Variants in CRB1 observed in about 807,000 individuals in gnomAD.
The protein encoded by CRB1 is crumbs cell polarity complex component 1.
In CRB1, 83 loss-of-function variants were observed where a neutral mutation model predicts 120.0. The ratio of observed to expected loss-of-function variants is 0.69; its 90% confidence interval spans 0.58 to 0.83. The LOEUF is 0.83. Among genes scored for constraint, CRB1 ranks in the 40% least tolerant of loss-of-function variants. The probability of loss-of-function intolerance (pLI) is 0.00; values close to 1 mark genes in which losing one functional copy is unlikely to be tolerated. For synonymous variants in CRB1, 625 were observed against 612.5 expected (o/e 1.02, Z -0.30); for missense variants, 1,699 against 1,687.6 (o/e 1.01, Z -0.12).
At chr1:197,268,842 A>G (rs1239266117) in intron 1 of CRB1, among the ~76,000 whole-genome samples, 1 of 152,204 alleles carries the variant, frequency 6.6e-6, no homozygotes, top group Non-Finnish European at 1.5e-5. Flanking sequence ...AAAGGAAGTT[A>G]TTCATAACCT....
rs762223255 is a variant in CRB1, at chr1:197,421,399, T to C, written c.1571T>C (p.Leu524Pro). 1 of 1,614,216 alleles carries C rather than the reference T, an allele frequency of 6.2e-7. No homozygotes were observed. Among genetic ancestry groups the C allele is most frequent in the Non-Finnish European group, 8.5e-7 (1 of 1,180,042 alleles). ...ACTGTTCAGCCAATGGCTCTTCTAC[T>C]TTTCCGAAGCAACAGGGATGTGTTT... ...FQTVQPMALL[L>P]FRSNRDVFVK... Residue 524 changes from leucine to proline, a missense_variant, in exon 6 of 12, where the codon CTT becomes CCT. Coordinates refer to ENST00000367400, the MANE Select transcript of CRB1 (RefSeq NM_201253.3).
intron 5 of CRB1, among the ~76,000 whole-genome samples, chr1:197,406,896 C>T (rs1318074452): frequency 6.6e-6 from 1 of 152,094 alleles, no homozygotes; most frequent in Non-Finnish European, 1.5e-5. Flanking sequence ...GTAGGTGGTG[C>T]AAAGGTGCTT....
In CRB1 at chr1:197,363,096, C is replaced by G. The variant is rs7537027; in HGVS notation, c.1171+6083C>G. ...ACAGCCTATTGGTTTCAGTATTTTA[C>G]CACTTCAAGTGAAGTATAGGAATTT... On this transcript the variant is annotated intron_variant, in intron 5 of 11. Transcript: ENST00000367400. 4.5e-3 allele frequency among the ~76,000 whole-genome samples: 668 copies of G among 149,948 alleles called. 1 individual carries two copies. The highest frequency in any genetic ancestry group is 0.015 in the African/African-American group (633 of 41,034).
intron 11 of CRB1, among the ~76,000 whole-genome samples, chr1:197,470,346 C>T (rs548130505): frequency 2.0e-4 from 30 of 152,226 alleles, no homozygotes; most frequent in African/African-American, 7.2e-4. Flanking sequence ...GGGAAGGTCT[C>T]CCCAAGAAGA....
chr1:197,379,354 T>C (rs1370269488), intron 5 of CRB1, among the ~76,000 whole-genome samples: 3 of 151,950 alleles, frequency 2.0e-5, no homozygotes, highest in African/African-American at 4.8e-5. Flanking sequence ...GGCTGGAATA[T>C]AGTGCCACGA....
rs564914999 is a variant in CRB1, at chr1:197,373,494, T to A, written c.1171+16481T>A. 7.9e-5 allele frequency among the ~76,000 whole-genome samples: 12 copies of A among 152,300 alleles called. No homozygotes were observed. The South Asian group carries it at 2.3e-3, about 29-fold the overall frequency. On this transcript the variant is annotated intron_variant, in intron 5 of 11. Transcript: ENST00000367400. The stretch of plus-strand genomic sequence containing the variant: ...TTCAGGTTCATAAATGGTCAAGGCA[T>A]AATCATGAATTTTCAAAATAAGTTT...
the CRB1 span, among the ~76,000 whole-genome samples, chr1:197,257,656 T>C: frequency 1.4e-4 from 21 of 152,346 alleles, no homozygotes; most frequent in African/African-American, 5.0e-4. Context: ...ACTGTCTGAA[T>C]TCAACCCCAG....
chr1:197,308,283 G>T (rs1657292139), intron 1 of CRB1, among the ~76,000 whole-genome samples: 1 of 152,150 alleles, frequency 6.6e-6, no homozygotes, highest in South Asian at 2.1e-4. Flanking sequence ...TGGACTACTT[G>T]GAGGGGGGCA....
intron 1 of CRB1, among the ~76,000 whole-genome samples, chr1:197,315,931 G>A (rs563331217): frequency 6.6e-6 from 1 of 152,298 alleles, no homozygotes; most frequent in South Asian, 2.1e-4. Context: ...AATCTTAGAG[G>A]TGAACTGAGG....
At chr1:197,284,697 A>G (rs1655723041) in intron 1 of CRB1, among the ~76,000 whole-genome samples, 2 of 151,926 alleles carry the variant, frequency 1.3e-5, no homozygotes, top group Non-Finnish European at 2.9e-5. Flanking sequence ...TTTTCGGTAT[A>G]TAAAATGCTC....
chr1:197,206,444 AGGT>A, the CRB1 span, among the ~76,000 whole-genome samples: 1 of 152,074 alleles, frequency 6.6e-6, no homozygotes, highest in Non-Finnish European at 1.5e-5. Flanking sequence ...AGGTTTTGAT[AGGT>A]TGTGTCACTG....
At chr1:197,235,096 G>T in the CRB1 span, among the ~76,000 whole-genome samples, 4 of 152,300 alleles carry the variant, frequency 2.6e-5, no homozygotes, top group South Asian at 8.3e-4. Flanking sequence ...GAAGTATATG[G>T]CACTATGTCC....
the CRB1 span, among the ~76,000 whole-genome samples, chr1:197,209,697 G>T: frequency 6.6e-6 from 1 of 152,102 alleles, no homozygotes; most frequent in Non-Finnish European, 1.5e-5. Context: ...CCAAAAACCC[G>T]TGTGAGACAA....
chr1:197,348,970 A>G (rs1202445420), intron 4 of CRB1, among the ~76,000 whole-genome samples: 1 of 152,230 alleles, frequency 6.6e-6, no homozygotes, highest in Non-Finnish European at 1.5e-5. Flanking sequence ...TAAAATCTAC[A>G]GTAGTATACA....
At chr1:197,215,761 C>G in the CRB1 span, among the ~76,000 whole-genome samples, 6 of 152,176 alleles carry the variant, frequency 3.9e-5, no homozygotes, top group African/African-American at 1.4e-4. Flanking sequence ...TTTCCTGAGG[C>G]CTTCCCAGCC....
At chr1:197,258,204 A>G in the CRB1 span, among the ~76,000 whole-genome samples, 1 of 152,082 alleles carries the variant, frequency 6.6e-6, no homozygotes, top group Middle Eastern at 3.2e-3. Flanking sequence ...AATGGATCCC[A>G]TTTTTCTCAC....
the CRB1 span, among the ~76,000 whole-genome samples, chr1:197,237,263 T>G: frequency 0.022 from 3,312 of 152,316 alleles, 121 homozygotes; most frequent in African/African-American, 0.075. Flanking sequence ...AACAAAATAC[T>G]TTAACCTGGG....
the CRB1 span, among the ~76,000 whole-genome samples, chr1:197,252,580 ATATGTGTGTGTGTG>A: frequency 9.8e-3 from 218 of 22,296 alleles, no homozygotes; most frequent in Middle Eastern, 0.033. Flanking sequence ...ATATATATAT[ATATGTGTGTGTGTG>A]TGTGTGTGTG....
chr1:197,412,707 T>A (rs1381796788), intron 5 of CRB1, among the ~76,000 whole-genome samples: 1 of 152,222 alleles, frequency 6.6e-6, no homozygotes, highest in Non-Finnish European at 1.5e-5. Context: ...TTGGATAAAC[T>A]GTATGCTTCA....
Sources: allele counts gnomAD v4.1 joint callset (sites outside exome capture counted in the v4.1 genomes callset), GRCh38; gene constraint gnomAD v4.1.1; transcripts MANE v1.5; gene names NCBI Gene and HGNC (gene_info 2026-07-23, HGNC 2026-07-21).